The following RTEL1 variants were observed in gnomAD, a reference collection of about 807,000 sequenced individuals.
RTEL1 encodes regulator of telomere elongation helicase 1, also known as regulator of telomere length.
In RTEL1, 86 loss-of-function variants were observed where a neutral mutation model predicts 162.2. The observed-to-expected ratio is 0.53, with a 90% CI of 0.45 to 0.63. The LOEUF (loss-of-function observed/expected upper bound fraction) is 0.63, where lower values mean the gene tolerates loss of function less well. Among genes scored for constraint, RTEL1 ranks in the 30% least tolerant of loss-of-function variants. The probability of loss-of-function intolerance (pLI) is 0.00; values close to 1 mark genes in which losing one functional copy is unlikely to be tolerated. For missense variants in RTEL1, 1,941 were observed against 1,750.2 expected (o/e 1.11, Z -1.95); for synonymous variants, 958 against 717.9 (o/e 1.33, Z -5.35).
At position 63,690,874 on chromosome 20, in the gene RTEL1, G is replaced by A. The variant is rs774640608; in HGVS notation, c.2483G>A (p.Arg828Gln). Residue 828 changes from arginine (R) to glutamine (Q), a missense_variant, in exon 27 of 35, where the codon CGG becomes CAG. Transcript: ENST00000360203. ...VEYEQEPVPA[R>Q]QRPRGLLAAL... ...TATGAGCAGGAGCCAGTTCCTGCCC[G>A]GCAGAGGCCCAGGGGGCTGCTGGCC... The A allele has an allele frequency of 2.6e-5, 42 of 1,598,144 alleles. No homozygotes were observed. The highest frequency in any genetic ancestry group is 3.0e-5 in the Non-Finnish European group (35 of 1,173,706).
At position 63,694,845 on chromosome 20, in the gene RTEL1, G is replaced by A. The variant is rs752615042; in HGVS notation, c.3214G>A (p.Gly1072Arg). Residue 1072 changes from glycine to arginine, a missense_variant, in exon 32 of 35, where the codon GGG becomes AGG. Transcript: ENST00000360203. ...CCTGGCTGATGCCCGCAGGGCCCTG[G>A]GGTCCGCGGGCTGTAGCCAACTCTT... is the stretch of plus-strand genomic sequence containing the variant. ...AYLADARRAL[G>R]SAGCSQLLAA... 2 of 1,612,624 alleles carry A rather than the reference G, an allele frequency of 1.2e-6. No individual in the cohort carries two copies. Among genetic ancestry groups the A allele is most frequent in the Non-Finnish European group, 1.7e-6 (2 of 1,179,846 alleles).
chr20:63,695,192 C>T lies in RTEL1; in HGVS notation c.3470C>T (p.Pro1157Leu), dbSNP rs1255758303. The T allele has an allele frequency of 1.9e-6, 3 of 1,612,234 alleles. No individual in the cohort carries two copies. The highest frequency in any genetic ancestry group is 2.5e-6 in the Non-Finnish European group (3 of 1,179,804). Residue 1157 changes from proline to leucine, a missense_variant, in exon 33 of 35, where the codon CCT becomes CTT. Transcript: ENST00000360203. ...CAGGAGGAGAGGCTTGCCGTGCCTCCTGTGCTTACCCACAGGGCTCCCCAA... is the reference window on the plus strand; with the variant it reads ...CAGGAGGAGAGGCTTGCCGTGCCTCTTGTGCTTACCCACAGGGCTCCCCAA... ...GPQEERLAVP[P>L]VLTHRAPQPG...
chr20:63,667,581 C>T lies in RTEL1; in HGVS notation c.699+28C>T, dbSNP rs376894665. The T allele has an allele frequency of 1.0e-5, 16 of 1,562,352 alleles. No individual in the cohort carries two copies. The Middle Eastern group carries it at 5.0e-4, about 49-fold the overall frequency. On this transcript the variant is annotated intron_variant, in intron 8 of 34. Coordinates refer to ENST00000360203, the MANE Select transcript of RTEL1 (RefSeq NM_001283009.2). ...GGGGGCTCAGTCCTGTAGCTGACGA[C>T]TCCTGATGTCCAGGGGTGTCCCTGG...
At position 63,667,453 on chromosome 20, in the gene RTEL1, C is replaced by A; in HGVS notation, c.615-16C>A. 1 of 1,606,952 alleles carries A rather than the reference C, an allele frequency of 6.2e-7. No individual in the cohort carries two copies. Among genetic ancestry groups the A allele is most frequent in the South Asian group, 1.1e-5 (1 of 90,916 alleles). ...GCATGGGGTGCTCACAGGATCTTCT[C>A]CTCTCTCCTTCCCAGGGTGTGCCCT... On this transcript the variant is annotated splice_polypyrimidine_tract_variant and intron_variant, in intron 7 of 34. Coordinates refer to ENST00000360203, the MANE Select transcript of RTEL1 (RefSeq NM_001283009.2).
At chr20:63,685,147 C>T (rs372505967) in intron 14 of RTEL1, among the ~76,000 whole-genome samples, 14 of 152,008 alleles carry the variant, frequency 9.2e-5, no homozygotes, top group African/African-American at 2.2e-4. Context: ...CTCAGCCTCC[C>T]GGAGTGCTGG....
chr20:63,662,350 C>G (rs1443587450), intron 4 of RTEL1, 196 bp from the exon 5 acceptor site: 3 of 1,044,608 alleles, frequency 2.9e-6, no homozygotes, highest in Non-Finnish European at 4.3e-6. Context: ...GCTGTGGAAG[C>G]TGTCGAATCT....
intron 14 of RTEL1, chr20:63,681,181 C>A: frequency 8.1e-6 from 8 of 985,424 alleles, no homozygotes; most frequent in Middle Eastern, 5.2e-4. Context: ...GGGGTGCGAC[C>A]CTGGCCCCCT....
At position 63,694,439 on chromosome 20, in the gene RTEL1, G is replaced by T. The variant is rs202131779; in HGVS notation, c.3060G>T (p.Glu1020Asp). 6.2e-7 allele frequency: 1 copy of T among 1,612,020 alleles called. No individual in the cohort carries two copies. Among genetic ancestry groups the T allele is most frequent in the Non-Finnish European group, 8.5e-7 (1 of 1,179,500 alleles). ...CAGCCCAGCAGCTGGACCCCCAAGA[G>T]CACCTGAACCAGGGCAGGCCCCACC... The part of the protein sequence containing the change: ...TAAAQQLDPQ[E>D]HLNQGRPHLS... Residue 1020 changes from glutamate to aspartate, a missense_variant, in exon 31 of 35, where the codon GAG becomes GAT. Coordinates refer to ENST00000360203, the MANE Select transcript of RTEL1 (RefSeq NM_001283009.2).
chr20:63,667,096 C>T (rs2090150516), intron 7 of RTEL1, among the ~76,000 whole-genome samples: 1 of 152,166 alleles, frequency 6.6e-6, no homozygotes, highest in Non-Finnish European at 1.5e-5. Flanking sequence ...ACCTCGGCCT[C>T]CCAAAGTGCT....
chr20:63,658,922 T>A (rs1253250894), intron 1 of RTEL1, among the ~76,000 whole-genome samples: 1 of 152,246 alleles, frequency 6.6e-6, no homozygotes, highest in Non-Finnish European at 1.5e-5. Flanking sequence ...GCTCTGACGT[T>A]GCGCCTGGTG....
intron 16 of RTEL1, 30 bp from the exon 17 acceptor site, chr20:63,687,608 C>T: frequency 1.3e-6 from 2 of 1,581,986 alleles, no homozygotes; most frequent in Non-Finnish European, 1.7e-6. Flanking sequence ...TCCTCACACT[C>T]TGTGCCCTCT....
At chr20:63,687,836 G>A in intron 17 of RTEL1, 66 bp downstream of exon 17, 2 of 1,558,124 alleles carry the variant, frequency 1.3e-6, no homozygotes, top group Non-Finnish European at 1.7e-6. Flanking sequence ...GGTGGAAGTG[G>A]TGGGGGTCCC....
At chr20:63,676,656 C>T (rs1291141052) in intron 10 of RTEL1, among the ~76,000 whole-genome samples, 2 of 152,150 alleles carry the variant, frequency 1.3e-5, no homozygotes, top group African/African-American at 4.8e-5. Context: ...TGGGGGTGGG[C>T]CGGGTGTGCT....
chr20:63,677,353 A>T (rs1003607691), intron 10 of RTEL1, among the ~76,000 whole-genome samples: 3 of 152,212 alleles, frequency 2.0e-5, no homozygotes, highest in Non-Finnish European at 4.4e-5. Flanking sequence ...ATAAGGGCTC[A>T]GCGGTAATCC....
chr20:63,696,184 G>A lies in RTEL1; in HGVS notation c.*326G>A, dbSNP rs562405026. The A allele has an allele frequency of 2.2e-5, 10 of 448,814 alleles. No homozygotes were observed. The highest frequency in any genetic ancestry group is 1.6e-4 in the African/African-American group (8 of 50,074). 27.8% of individuals were successfully genotyped at this position (448,814 alleles called of 1,614,324 possible). On this transcript the variant is annotated 3_prime_UTR_variant, in exon 35 of 35. Transcript: ENST00000360203. ...TCACCGGGAAGGAGGAGACCCCCGT[G>A]GGCACGTGTCCACTTTTAATCAGGG... is the stretch of plus-strand genomic sequence containing the variant.
chr20:63,685,706 CT>C (rs1317293641), intron 15 of RTEL1, 84 bp from the exon 16 acceptor site: 2 of 1,582,208 alleles, frequency 1.3e-6, no homozygotes, highest in African/African-American at 1.3e-5. Flanking sequence ...GCAGGTGGGG[CT>C]GGGGGTCTTC....
chr20:63,681,277 C>G, intron 14 of RTEL1: 1 of 985,434 alleles, frequency 1.0e-6, no homozygotes, highest in South Asian at 4.7e-5. Flanking sequence ...CCTGCTTTCC[C>G]TGGCGTAGAG....
In RTEL1 at chr20:63,690,921, C is replaced by A; in HGVS notation, c.2530C>A (p.Arg844=). The change falls in exon 27 of 35, where the codon CGG becomes AGG. Residue 844 remains arginine, a synonymous_variant. Coordinates refer to ENST00000360203, the MANE Select transcript of RTEL1 (RefSeq NM_001283009.2). Reference sequence around the variant, plus strand: ...GGCCGCCCTGGAGCACAGCGAACAGCGGGCGGGGAGCCCTGGCGAGGAGCA... The same window carrying A: ...GGCCGCCCTGGAGCACAGCGAACAGAGGGCGGGGAGCCCTGGCGAGGAGCA... The part of the protein sequence containing the change: ...LLAALEHSEQ[R]AGSPGEEQAH... The A allele has an allele frequency of 6.4e-7, 1 of 1,563,130 alleles. No individual in the cohort carries two copies. The highest frequency in any genetic ancestry group is 2.3e-5 in the East Asian group (1 of 42,668).
chr20:63,681,162 C>T, intron 14 of RTEL1: 1 of 985,360 alleles, frequency 1.0e-6, no homozygotes, highest in African/African-American at 1.7e-5. Flanking sequence ...CCCTGGGAGC[C>T]CATGATTGGG....
Sources: allele counts gnomAD v4.1 joint callset (sites outside exome capture counted in the v4.1 genomes callset), GRCh38; gene constraint gnomAD v4.1.1; transcripts MANE v1.5; gene names NCBI Gene and HGNC (gene_info 2026-07-23, HGNC 2026-07-21).